VSTM1: variants seen among roughly 807,000 people sequenced by gnomAD.
VSTM1 encodes the protein V-set and transmembrane domain-containing protein 1.
Under a neutral mutation model 33.1 loss-of-function variants are expected in VSTM1, and 27 were observed. That is an observed-to-expected ratio of 0.82 (90% confidence interval 0.60 to 1.12). VSTM1 has a LOEUF of 1.12. Among genes scored for constraint, VSTM1 ranks in the 50% most tolerant of loss-of-function variants. VSTM1 has a pLI of 0.00. For synonymous variants in VSTM1, 115 were observed against 110.3 expected, an observed-to-expected ratio of 1.04 and a Z score of -0.27; for missense variants, 304 against 288.9, an observed-to-expected ratio of 1.05 and a Z score of -0.38.
rs750083530 is a variant in VSTM1, at chr19:54,041,819, G to A, written c.554-3C>T. 1.2e-6 allele frequency: 2 copies of A among 1,613,376 alleles called. No homozygotes were observed. The highest frequency in any genetic ancestry group is 1.7e-6 in the Non-Finnish European group (2 of 1,179,806). On this transcript the variant is annotated splice_polypyrimidine_tract_variant and splice_region_variant and intron_variant, in intron 7 of 8. Transcript: ENST00000338372. ...TTCCATATTGGATAAATCTGCCTCTGAGTGAGAAAGGAAAAAAAAAAATCA... is the reference window on the plus strand; with the variant it reads ...TTCCATATTGGATAAATCTGCCTCTAAGTGAGAAAGGAAAAAAAAAAATCA...
At chr19:54,054,421 G>A (rs2070986974) in intron 3 of VSTM1, among the ~76,000 whole-genome samples, 1 of 142,222 alleles carries the variant, frequency 7.0e-6, no homozygotes, top group South Asian at 2.3e-4. Flanking sequence ...CTCAGAAAGA[G>A]GGTAAATCAG....
intron 4 of VSTM1, among the ~76,000 whole-genome samples, chr19:54,045,176 A>G (rs2070509680): frequency 6.6e-6 from 1 of 152,198 alleles, no homozygotes; most frequent in African/African-American, 2.4e-5. Context: ...GCATTTCTAC[A>G]TATCTATATA....
At position 54,063,594 on chromosome 19, in the gene VSTM1, CACAG is replaced by C. The variant is rs2071503504; in HGVS notation, c.34+146_34+149del. The C allele has an allele frequency of 1.6e-5, 15 of 925,062 alleles. No individual in the cohort carries two copies. In the Middle Eastern group the frequency reaches 6.6e-4, roughly 41 times the overall value. 57.3% of individuals were successfully genotyped at this position (925,062 alleles called of 1,614,324 possible). Reference sequence around the variant, plus strand: ...TCGCTTGCATGTGGGCGGCAGAACTCACAGAACCCACAGCCCAGACCCACCCACC... The same window carrying C: ...TCGCTTGCATGTGGGCGGCAGAACTCAACCCACAGCCCAGACCCACCCACC... On this transcript the variant is annotated intron_variant, in intron 1 of 8. Coordinates refer to ENST00000338372, the MANE Select transcript of VSTM1 (RefSeq NM_198481.4).
Position 54,056,214 on chromosome 19 carries a change from C to CTTTTTTTTTTTT in VSTM1, c.355+2080_355+2091dup, listed in dbSNP as rs869203085. ...TTCTTTCTTTCTTTTCTTTTCTTTT[C>CTTTTTTTTTTTT]TTTTTTTTTTTTTTTTTTTTTTTTT... On this transcript the variant is annotated intron_variant, in intron 3 of 8. Transcript: ENST00000338372. Among the ~76,000 whole-genome samples the CTTTTTTTTTTTT allele has an allele frequency of 8.9e-4, 35 of 39,170 alleles. 2 individuals are homozygous for CTTTTTTTTTTTT. Among genetic ancestry groups the CTTTTTTTTTTTT allele is most frequent in the African/African-American group, 2.6e-3 (27 of 10,286 alleles). 25.7% of individuals were successfully genotyped at this position (39,170 alleles called of 152,430 possible).
At chr19:54,042,837 T>TATATATATATATATATATAC (rs1320221580) in intron 4 of VSTM1, among the ~76,000 whole-genome samples, 1 of 66,422 alleles carries the variant, frequency 1.5e-5, no homozygotes, top group African/African-American at 5.5e-5. Flanking sequence ...TATATATATA[T>TATATATATATATATATATAC]ACATATATAT....
chr19:54,044,669 CG>C (rs1340180114), intron 4 of VSTM1, among the ~76,000 whole-genome samples: 1 of 152,238 alleles, frequency 6.6e-6, no homozygotes, highest in South Asian at 2.1e-4. Flanking sequence ...TACATCATAG[CG>C]TTTTAAAGTC....
intron 3 of VSTM1, among the ~76,000 whole-genome samples, chr19:54,054,993 G>C (rs2071024510): frequency 7.2e-6 from 1 of 139,520 alleles, no homozygotes; most frequent in South Asian, 2.4e-4. Context: ...AGATGGGTGG[G>C]TAGATTGATA....
chr19:54,054,703 G>A, intron 3 of VSTM1, among the ~76,000 whole-genome samples: 1 of 139,740 alleles, frequency 7.2e-6, no homozygotes, highest in East Asian at 2.0e-4. Context: ...ATGGGTGAAA[G>A]GGTGGATGAG....
chr19:54,043,140 C>T (rs937672984), intron 4 of VSTM1, among the ~76,000 whole-genome samples: 4 of 151,924 alleles, frequency 2.6e-5, no homozygotes, highest in African/African-American at 7.3e-5. Context: ...CTGGACATTT[C>T]GACCAATAGA....
At chr19:54,051,760 ATTCT>A (rs1354569933) in intron 3 of VSTM1, among the ~76,000 whole-genome samples, 1 of 151,814 alleles carries the variant, frequency 6.6e-6, no homozygotes, top group Admixed American at 6.6e-5. Flanking sequence ...ATTCACCCAA[ATTCT>A]TTCTTTCTTT....
chr19:54,041,828 A>G lies in VSTM1; in HGVS notation c.554-12T>C. On this transcript the variant is annotated splice_polypyrimidine_tract_variant and intron_variant, in intron 7 of 8. Transcript: ENST00000338372. ...GGATAAATCTGCCTCTGAGTGAGAA[A>G]GGAAAAAAAAAAATCAGTTCTCAGC... 1 of 1,613,228 alleles carries G rather than the reference A, an allele frequency of 6.2e-7. No individual in the cohort carries two copies. Among genetic ancestry groups the G allele is most frequent in the Non-Finnish European group, 8.5e-7 (1 of 1,179,644 alleles).
chr19:54,051,813 T>G (rs2070852748), intron 3 of VSTM1, among the ~76,000 whole-genome samples: 1 of 152,084 alleles, frequency 6.6e-6, no homozygotes, highest in Non-Finnish European at 1.5e-5. Flanking sequence ...CAAGCTGGAG[T>G]GCAGTGGCAT....
At chr19:54,048,819 CAAGTCTGT>C (rs1233160484) in intron 4 of VSTM1, among the ~76,000 whole-genome samples, 16 of 152,156 alleles carry the variant, frequency 1.1e-4, no homozygotes, top group Non-Finnish European at 2.1e-4. Flanking sequence ...CACAGTAGCT[CAAGTCTGT>C]AATCCCAGCA....
Position 54,042,837 on chromosome 19 carries a change from T to TATACAC in VSTM1, c.395-469_395-468insGTGTAT, listed in dbSNP as rs1320221580. Among the ~76,000 whole-genome samples, 6 of 66,414 alleles carry TATACAC rather than the reference T, an allele frequency of 9.0e-5. No homozygotes were observed. In the South Asian group the frequency reaches 2.0e-3, roughly 22 times the overall value. 43.6% of individuals were successfully genotyped at this position (66,414 alleles called of 152,430 possible). A position where few individuals can be genotyped will look rare whatever the true frequency, so the allele number is the denominator to read the frequency against. ...ATATATATATATATATATATATATA[T>TATACAC]ACATATATATATATATATACACACT... On this transcript the variant is annotated intron_variant, in intron 4 of 8. Coordinates refer to ENST00000338372, the MANE Select transcript of VSTM1 (RefSeq NM_198481.4).
intron 4 of VSTM1, among the ~76,000 whole-genome samples, chr19:54,043,244 C>T (rs1467519876): frequency 1.3e-5 from 2 of 152,090 alleles, no homozygotes; most frequent in African/African-American, 4.8e-5. Context: ...CTGAGGTCCC[C>T]CAAGGTGGAA....
chr19:54,045,326 T>C (rs1157299765), intron 4 of VSTM1, among the ~76,000 whole-genome samples: 5 of 152,202 alleles, frequency 3.3e-5, no homozygotes, highest in African/African-American at 4.8e-5. Context: ...CCGTCCTATC[T>C]AATTATGATT....
intron 4 of VSTM1, among the ~76,000 whole-genome samples, chr19:54,047,337 C>T (rs2070645710): frequency 6.6e-6 from 1 of 152,014 alleles, no homozygotes; most frequent in Non-Finnish European, 1.5e-5. Context: ...CTCTGTCTCC[C>T]AGGCTGGAGT....
intron 4 of VSTM1, among the ~76,000 whole-genome samples, chr19:54,047,032 C>T (rs1416817051): frequency 1.3e-5 from 2 of 151,954 alleles, no homozygotes; most frequent in African/African-American, 2.4e-5. Flanking sequence ...CCCGTCTCTA[C>T]TAAAAATAGA....
At chr19:54,050,161 G>T (rs576683298) in intron 4 of VSTM1, among the ~76,000 whole-genome samples, 1 of 151,514 alleles carries the variant, frequency 6.6e-6, no homozygotes, top group African/African-American at 2.4e-5. Flanking sequence ...ACAATGCCCA[G>T]CAAATTTTTG....
Sources: allele counts gnomAD v4.1 joint callset (sites outside exome capture counted in the v4.1 genomes callset), GRCh38; gene constraint gnomAD v4.1.1; transcripts MANE v1.5; gene names NCBI Gene and HGNC (gene_info 2026-07-23, HGNC 2026-07-21).